Variants in GNA13 observed in about 807,000 individuals in gnomAD.
The protein encoded by GNA13 is guanine nucleotide-binding protein subunit alpha-13.
In GNA13, 4 loss-of-function variants were observed where a neutral mutation model predicts 33.5. The ratio of observed to expected loss-of-function variants is 0.12; its 90% CI spans 0.06 to 0.27. GNA13 has a LOEUF of 0.27. Ranked by LOEUF, GNA13 falls within the 10% of genes least tolerant of loss-of-function variation. The pLI is 1.00. For synonymous variants in GNA13, 176 were observed against 183.8 expected (o/e 0.96, Z 0.34); for missense variants, 319 against 487.2 (o/e 0.65, Z 3.25).
At chr17:65,036,252 G>A (rs1248684189) in intron 2 of GNA13, among the ~76,000 whole-genome samples, 1 of 152,206 alleles carries the variant, frequency 6.6e-6, no homozygotes, top group Non-Finnish European at 1.5e-5. Flanking sequence ...GCTGATGAAT[G>A]TGAAAATTAG....
chr17:65,056,715 C>A lies in GNA13; in HGVS notation c.-122G>T. Reference sequence around the variant, plus strand: ...GAGCGCGGCGGCGGCCCGAGCGCGCCCAGGGAGGGAGGGAACCAGCGAACT... The same window carrying A: ...GAGCGCGGCGGCGGCCCGAGCGCGCACAGGGAGGGAGGGAACCAGCGAACT... On this transcript the variant is annotated 5_prime_UTR_variant, in exon 1 of 4. Transcript: ENST00000439174. The A allele has an allele frequency of 1.7e-6, 1 of 575,522 alleles. No individual in the cohort carries two copies. The highest frequency in any genetic ancestry group is 2.5e-6 in the Non-Finnish European group (1 of 396,740). 35.7% of individuals were successfully genotyped at this position (575,522 alleles called of 1,614,324 possible).
chr17:65,028,430 C>T (rs1034459828), intron 2 of GNA13, among the ~76,000 whole-genome samples: 6 of 150,024 alleles, frequency 4.0e-5, no homozygotes, highest in African/African-American at 1.5e-4. Context: ...AAAAAAAATA[C>T]CACCTACCAT....
At position 65,011,501 on chromosome 17, in the gene GNA13, A is replaced by G. The variant is rs1906187795; in HGVS notation, c.*2756T>C. ...GGCAGAGGCATGCTTTGAATTACTC[A>G]GATTTTCAGAAAACATTTGACAAAA... On this transcript the variant is annotated 3_prime_UTR_variant, in exon 4 of 4. Coordinates refer to ENST00000439174, the MANE Select transcript of GNA13 (RefSeq NM_006572.6). 1.5e-5 allele frequency: 3 copies of G among 199,946 alleles called. No individual in the cohort carries two copies. The highest frequency in any genetic ancestry group is 1.2e-4 in the Admixed American group (2 of 16,606). The allele number at this position is 199,946 out of a possible 1,614,324, so 12.4% of individuals were successfully genotyped here. A position where few individuals can be genotyped will look rare whatever the true frequency, so the allele number is the denominator to read the frequency against.
At chr17:65,052,385 A>G (rs903910148) in intron 2 of GNA13, among the ~76,000 whole-genome samples, 2 of 152,300 alleles carry the variant, frequency 1.3e-5, no homozygotes, top group Admixed American at 6.5e-5. Flanking sequence ...AACTTCTGAC[A>G]TCAGGTGATC....
At chr17:65,053,783 A>C (rs528181261) in intron 1 of GNA13, 55 bp from the exon 2 acceptor site, 2 of 1,069,946 alleles carry the variant, frequency 1.9e-6, no homozygotes, top group Non-Finnish European at 2.8e-6. Flanking sequence ...ACATATTATC[A>C]TAAGTTTTTA....
intron 2 of GNA13, among the ~76,000 whole-genome samples, chr17:65,023,427 G>A (rs749163223): frequency 3.3e-5 from 5 of 152,172 alleles, no homozygotes; most frequent in Non-Finnish European, 7.4e-5. Flanking sequence ...ACTTTTTTCT[G>A]AGCACAGGGA....
intron 2 of GNA13, among the ~76,000 whole-genome samples, chr17:65,018,603 C>A (rs1906467899): frequency 6.6e-6 from 1 of 152,130 alleles, no homozygotes; most frequent in Non-Finnish European, 1.5e-5. Context: ...ACAGTGAAGA[C>A]ATATAATTAG....
intron 2 of GNA13, among the ~76,000 whole-genome samples, chr17:65,047,864 G>T (rs1907722489): frequency 6.6e-6 from 1 of 152,114 alleles, no homozygotes; most frequent in Non-Finnish European, 1.5e-5. Context: ...GAAGTTTCTA[G>T]AATACTTAGT....
At chr17:65,017,306 G>T (rs573235785) in intron 3 of GNA13, among the ~76,000 whole-genome samples, 8 of 152,174 alleles carry the variant, frequency 5.3e-5, no homozygotes, top group South Asian at 4.2e-4. Context: ...CAATCTAAAG[G>T]CTGCTTCACA....
Position 65,013,473 on chromosome 17 carries a change from T to A in GNA13, c.*784A>T. 4.7e-6 allele frequency: 1 copy of A among 212,208 alleles called. No individual in the cohort carries two copies. The highest frequency in any genetic ancestry group is 2.3e-5 in the African/African-American group (1 of 44,306). The allele number at this position is 212,208 out of a possible 1,614,324, so 13.1% of individuals were successfully genotyped here. A position where few individuals can be genotyped will look rare whatever the true frequency, so the allele number is the denominator to read the frequency against. On this transcript the variant is annotated 3_prime_UTR_variant, in exon 4 of 4. Transcript: ENST00000439174. ...TTTAGTTGCTGCTATGGCCAGAATG[T>A]TTCACATATGGTACATTAAACTACA...
At chr17:65,024,442 C>T (rs371320306) in intron 2 of GNA13, among the ~76,000 whole-genome samples, 1 of 152,166 alleles carries the variant, frequency 6.6e-6, no homozygotes, top group Non-Finnish European at 1.5e-5. Context: ...TTTTCACATT[C>T]GTAGCCACAA....
intron 2 of GNA13, among the ~76,000 whole-genome samples, chr17:65,049,802 T>C (rs1180900382): frequency 6.6e-6 from 1 of 152,114 alleles, no homozygotes; most frequent in Non-Finnish European, 1.5e-5. Context: ...GATCCTCAGG[T>C]ATAAAGTCTG....
At position 65,013,423 on chromosome 17, in the gene GNA13, TTC is replaced by T; in HGVS notation, c.*832_*833del. The T allele has an allele frequency of 4.7e-6, 1 of 211,388 alleles. No individual in the cohort carries two copies. Among genetic ancestry groups the T allele is most frequent in the Non-Finnish European group, 9.6e-6 (1 of 104,106 alleles). 13.1% of individuals were successfully genotyped at this position (211,388 alleles called of 1,614,324 possible). A position where few individuals can be genotyped will look rare whatever the true frequency, so the allele number is the denominator to read the frequency against. ...GAACAGGTTAAGTTTATTTAGAAAG[TTC>T]TGTTACCAAGTTGCTTGCAGTTTTT... On this transcript the variant is annotated 3_prime_UTR_variant, in exon 4 of 4. Transcript: ENST00000439174.
chr17:65,035,051 T>C (rs947890358), intron 2 of GNA13, among the ~76,000 whole-genome samples: 2 of 152,178 alleles, frequency 1.3e-5, no homozygotes, highest in African/African-American at 4.8e-5. Context: ...TCCCAAAGTG[T>C]TGGGATTACA....
At chr17:65,032,188 T>C (rs1907072814) in intron 2 of GNA13, among the ~76,000 whole-genome samples, 2 of 152,154 alleles carry the variant, frequency 1.3e-5, no homozygotes, top group African/African-American at 2.4e-5. Flanking sequence ...TGGAAAACTC[T>C]GGGGTTAAGG....
intron 2 of GNA13, among the ~76,000 whole-genome samples, chr17:65,033,285 G>GACCA (rs976943622): frequency 6.6e-6 from 1 of 151,202 alleles, no homozygotes; most frequent in African/African-American, 2.4e-5. Flanking sequence ...AGGAGTTCGA[G>GACCA]ACCAGCCTGG....
rs1906205233 is a variant in GNA13, at chr17:65,012,011, C to T, written c.*2246G>A. 4.4e-6 allele frequency: 1 copy of T among 227,672 alleles called. No individual in the cohort carries two copies. The highest frequency in any genetic ancestry group is 2.2e-5 in the African/African-American group (1 of 45,014). 14.1% of individuals were successfully genotyped at this position (227,672 alleles called of 1,614,324 possible). The stretch of plus-strand genomic sequence containing the variant: ...TAAGTTGAATATAAGTAATTCATTG[C>T]CTCAAAATATAGTCTAGATTTTAAA... On this transcript the variant is annotated 3_prime_UTR_variant, in exon 4 of 4. Coordinates refer to ENST00000439174, the MANE Select transcript of GNA13 (RefSeq NM_006572.6).
At chr17:65,029,153 G>C (rs1246339995) in intron 2 of GNA13, among the ~76,000 whole-genome samples, 1 of 152,164 alleles carries the variant, frequency 6.6e-6, no homozygotes, top group Non-Finnish European at 1.5e-5. Context: ...AATAGTATCT[G>C]ATAAAATGCT....
chr17:65,046,222 G>C (rs554638398), intron 2 of GNA13, among the ~76,000 whole-genome samples: 1 of 152,004 alleles, frequency 6.6e-6, no homozygotes, highest in Non-Finnish European at 1.5e-5. Context: ...GTTATAAAAC[G>C]TAAGATATTA....
Sources: allele counts gnomAD v4.1 joint callset (sites outside exome capture counted in the v4.1 genomes callset), GRCh38; gene constraint gnomAD v4.1.1; transcripts MANE v1.5; gene names NCBI Gene and HGNC (gene_info 2026-07-23, HGNC 2026-07-21).